The following UGT1A10 variants were observed in gnomAD, a reference collection of about 807,000 sequenced individuals.
The protein encoded by UGT1A10 is UDP-glucuronosyltransferase 1A10.
Under a neutral mutation model 45.8 loss-of-function variants are expected in UGT1A10, and 49 were observed. The observed-to-expected ratio is 1.07, with a 90% CI of 0.85 to 1.36. The LOEUF (loss-of-function observed/expected upper bound fraction) is 1.36. Among genes scored for constraint, UGT1A10 ranks in the 40% most tolerant of loss-of-function variants. The probability of loss-of-function intolerance (pLI) is 0.00; values close to 1 mark genes in which losing one functional copy is unlikely to be tolerated. For synonymous variants in UGT1A10, 284 were observed against 249.7 expected (o/e 1.14, Z -1.29); for missense variants, 745 against 668.6 (o/e 1.11, Z -1.26).
chr2:233,649,505 T>C (rs1194903909), intron 1 of UGT1A10, among the ~76,000 whole-genome samples: 1 of 152,248 alleles, frequency 6.6e-6, no homozygotes, highest in Non-Finnish European at 1.5e-5. Context: ...TATATAAGCA[T>C]ATATGTAAAT....
chr2:233,704,199 C>A (rs1162056746), intron 1 of UGT1A10, among the ~76,000 whole-genome samples: 1 of 147,548 alleles, frequency 6.8e-6, no homozygotes, highest in Non-Finnish European at 1.5e-5. Context: ...CCCCATTTTA[C>A]TTTTTATGCT....
chr2:233,709,908 T>TA (rs1575491897), intron 1 of UGT1A10, among the ~76,000 whole-genome samples: 1 of 152,210 alleles, frequency 6.6e-6, no homozygotes, highest in Non-Finnish European at 1.5e-5. Context: ...AGTCACCTAA[T>TA]ACCTCCCCTC....
At chr2:233,668,301 C>CA (rs1328734524) in intron 1 of UGT1A10, among the ~76,000 whole-genome samples, 5 of 152,118 alleles carry the variant, frequency 3.3e-5, no homozygotes, top group African/African-American at 1.2e-4. Flanking sequence ...TGAGAACATG[C>CA]AATGTTTGGT....
At chr2:233,646,899 A>G (rs2073620056) in intron 1 of UGT1A10, among the ~76,000 whole-genome samples, 1 of 152,164 alleles carries the variant, frequency 6.6e-6, no homozygotes, top group South Asian at 2.1e-4. Context: ...ACTGGTACCA[A>G]TTGACTGTAT....
intron 1 of UGT1A10, among the ~76,000 whole-genome samples, chr2:233,650,105 G>A (rs1168261595): frequency 6.6e-6 from 1 of 152,022 alleles, no homozygotes; most frequent in Non-Finnish European, 1.5e-5. Context: ...TGAGTAGCTG[G>A]GATTATAGGC....
At chr2:233,673,816 A>T (rs1172625235) in intron 1 of UGT1A10, among the ~76,000 whole-genome samples, 1 of 152,082 alleles carries the variant, frequency 6.6e-6, no homozygotes, top group Non-Finnish European at 1.5e-5. Context: ...AACTTATCTT[A>T]TTATTTTGTA....
intron 1 of UGT1A10, among the ~76,000 whole-genome samples, chr2:233,764,057 C>T (rs1242895801): frequency 1.3e-5 from 2 of 152,096 alleles, no homozygotes; most frequent in African/African-American, 4.8e-5. Context: ...AAATGAAATG[C>T]ATTTGGGAAG....
At chr2:233,713,803 C>T (rs2076347667) in intron 1 of UGT1A10, 2 of 1,614,054 alleles carry the variant, frequency 1.2e-6, no homozygotes, top group Non-Finnish European at 1.7e-6. Context: ...CCGATCATGC[C>T]CAACATGGTC....
At position 233,769,564 on chromosome 2, in the gene UGT1A10, A is replaced by G; in HGVS notation, c.1295+1125A>G. 2 of 1,612,876 alleles carry G rather than the reference A, an allele frequency of 1.2e-6. No homozygotes were observed. Among genetic ancestry groups the G allele is most frequent in the Non-Finnish European group, 1.7e-6 (2 of 1,179,838 alleles). Reference sequence around the variant, plus strand: ...AGCAGTCAGGAAGACAGATGTGAAGAGCTGGAGCATGTTCAGATGAGAGGA... The same window carrying G: ...AGCAGTCAGGAAGACAGATGTGAAGGGCTGGAGCATGTTCAGATGAGAGGA... On this transcript the variant is annotated intron_variant, in intron 4 of 4. Transcript: ENST00000344644. The surrounding 1 kb of genome is among the most constrained non-coding windows in gnomAD (Gnocchi z 4.4).
intron 1 of UGT1A10, among the ~76,000 whole-genome samples, chr2:233,659,217 G>C (rs961376430): frequency 1.5e-4 from 23 of 152,100 alleles, no homozygotes; most frequent in African/African-American, 5.6e-4. Context: ...TTCATTGCTA[G>C]TACAGTTGAC....
chr2:233,702,024 A>C (rs962229706), intron 1 of UGT1A10, among the ~76,000 whole-genome samples: 4 of 152,074 alleles, frequency 2.6e-5, no homozygotes, highest in East Asian at 1.9e-4. Flanking sequence ...TAGAGACACA[A>C]AAAAAAACCC....
At chr2:233,671,239 G>T (rs988262933) in intron 1 of UGT1A10, among the ~76,000 whole-genome samples, 1 of 152,212 alleles carries the variant, frequency 6.6e-6, no homozygotes, top group African/African-American at 2.4e-5. Context: ...CAAGGATTGG[G>T]CGGGCAACTT....
At chr2:233,730,836 G>C (rs1337696398) in intron 1 of UGT1A10, among the ~76,000 whole-genome samples, 1 of 152,122 alleles carries the variant, frequency 6.6e-6, no homozygotes, top group African/African-American at 2.4e-5. Flanking sequence ...CTCAGGAGAG[G>C]CTCATCACAT....
intron 4 of UGT1A10, 101 bp from the exon 5 acceptor site, chr2:233,772,161 T>C: frequency 6.4e-7 from 1 of 1,566,196 alleles, no homozygotes; most frequent in Non-Finnish European, 8.7e-7. Context: ...CTTTCCCAAG[T>C]TTGGAAAATC....
chr2:233,692,620 A>G (rs1324523503), intron 1 of UGT1A10, among the ~76,000 whole-genome samples: 1 of 152,200 alleles, frequency 6.6e-6, no homozygotes, highest in Non-Finnish European at 1.5e-5. Flanking sequence ...CACATCATGG[A>G]CATAACAGAC....
chr2:233,684,850 G>A lies in UGT1A10; in HGVS notation c.855+47473G>A, dbSNP rs541497962. ...TAGAAAAATTTATGGACACTGTATA[G>A]TGTTCCTTTCTTGTTTCATATGGGC... is the stretch of plus-strand genomic sequence containing the variant. On this transcript the variant is annotated intron_variant, in intron 1 of 4. Coordinates refer to ENST00000344644, the MANE Select transcript of UGT1A10 (RefSeq NM_019075.4). Among the ~76,000 whole-genome samples the A allele has an allele frequency of 8.5e-5, 13 of 152,312 alleles. No homozygotes were observed. The South Asian group carries it at 1.9e-3, about 22-fold the overall frequency.
At chr2:233,673,108 C>T (rs893006971) in intron 1 of UGT1A10, among the ~76,000 whole-genome samples, 3 of 152,054 alleles carry the variant, frequency 2.0e-5, no homozygotes, top group Non-Finnish European at 4.4e-5. Flanking sequence ...TATGCCCGCC[C>T]CAGAGGAAAT....
chr2:233,669,087 T>A (rs2074131998), intron 1 of UGT1A10, among the ~76,000 whole-genome samples: 2 of 152,246 alleles, frequency 1.3e-5, no homozygotes, highest in South Asian at 4.1e-4. Flanking sequence ...TACCCAACTG[T>A]TGAAGAGTCA....
Position 233,636,574 on chromosome 2 carries a change from C to T in UGT1A10, c.52C>T (p.Leu18=). 1 of 1,614,154 alleles carries T rather than the reference C, an allele frequency of 6.2e-7. No homozygotes were observed. Among genetic ancestry groups the T allele is most frequent in the East Asian group, 2.2e-5 (1 of 44,878 alleles). The change falls in exon 1 of 5, where the codon CTG becomes TTG. Residue 18 remains leucine, a synonymous_variant. Transcript: ENST00000344644. ...SPVPLCVCLL[L]TCGFAEAGKL... ...CGTTCCTTTATGTGTGTGTCTACTG[C>T]TGACCTGTGGCTTTGCCGAGGCAGG...
Sources: allele counts gnomAD v4.1 joint callset (sites outside exome capture counted in the v4.1 genomes callset), GRCh38; gene constraint gnomAD v4.1.1; non-coding constraint Gnocchi (gnomAD v3.1); transcripts MANE v1.5; gene names NCBI Gene and HGNC (gene_info 2026-07-23, HGNC 2026-07-21).